The following RPTOR variants were observed in gnomAD, a reference collection of about 807,000 sequenced individuals.
RPTOR encodes regulatory associated protein of MTOR complex 1.
RPTOR carries 21 observed loss-of-function variants against 169.9 expected under a neutral mutation model. The ratio of observed to expected loss-of-function variants is 0.12; its 90% CI spans 0.09 to 0.18. The LOEUF is 0.18. RPTOR is among the 10% of genes least tolerant of loss of function. RPTOR has a pLI of 1.00. For synonymous variants in RPTOR, 732 were observed against 753.2 expected (o/e 0.97, Z 0.46); for missense variants, 1,133 against 1,855.9 (o/e 0.61, Z 7.16).
At chr17:80,893,430 CA>C (rs2068356775) in intron 19 of RPTOR, among the ~76,000 whole-genome samples, 3 of 123,520 alleles carry the variant, frequency 2.4e-5, no homozygotes, top group South Asian at 2.7e-4. Flanking sequence ...GTGTGTGTGC[CA>C]GGGTGTGTGT....
At chr17:80,670,694 C>T (rs1384568705) in intron 3 of RPTOR, among the ~76,000 whole-genome samples, 1 of 152,188 alleles carries the variant, frequency 6.6e-6, no homozygotes, top group Admixed American at 6.5e-5. Flanking sequence ...ACGCATTCAG[C>T]TCTGGTATAC....
At chr17:80,940,256 G>T (rs1011504708) in intron 24 of RPTOR, among the ~76,000 whole-genome samples, 5 of 152,078 alleles carry the variant, frequency 3.3e-5, no homozygotes, top group South Asian at 2.1e-4. Flanking sequence ...TTAAAAATAC[G>T]GCATAGCAGC....
intron 20 of RPTOR, among the ~76,000 whole-genome samples, chr17:80,896,387 GCTGACACC>G (rs2068401174): frequency 4.6e-5 from 6 of 129,204 alleles, no homozygotes; most frequent in Non-Finnish European, 6.5e-5. Context: ...ACGCGGCCTC[GCTGACACC>G]CCACGGCCGC....
chr17:80,795,967 C>T (rs1270482363), intron 7 of RPTOR, among the ~76,000 whole-genome samples: 4 of 152,214 alleles, frequency 2.6e-5, no homozygotes, highest in South Asian at 2.1e-4. Flanking sequence ...GCGTCTCCCA[C>T]GCCTCTCCAT....
chr17:80,572,568 CA>C (rs994153611), intron 1 of RPTOR, among the ~76,000 whole-genome samples: 3 of 151,776 alleles, frequency 2.0e-5, no homozygotes, highest in Non-Finnish European at 4.4e-5. Context: ...AACAAACAAA[CA>C]AAAAAAGTAG....
chr17:80,607,827 C>T (rs1221617991), intron 1 of RPTOR, among the ~76,000 whole-genome samples: 1 of 151,922 alleles, frequency 6.6e-6, no homozygotes, highest in Non-Finnish European at 1.5e-5. Context: ...GTTAATTAAA[C>T]CCCGTACTGA....
At chr17:80,627,018 A>G (rs8079537) in intron 2 of RPTOR, among the ~76,000 whole-genome samples, 64,171 of 151,904 alleles carry the variant, frequency 0.42, 13,871 homozygotes, top group African/African-American at 0.49. Context: ...TTGTCATTCT[A>G]GGGACCTCAT....
At chr17:80,625,605 T>C in intron 1 of RPTOR, 86 bp from the exon 2 acceptor site, 1 of 1,067,464 alleles carries the variant, frequency 9.4e-7, no homozygotes, top group Non-Finnish European at 1.4e-6. Context: ...GGCTCAATGT[T>C]CTGGGGGACA....
chr17:80,920,452 A>G (rs1308744629), intron 21 of RPTOR, among the ~76,000 whole-genome samples: 1 of 152,218 alleles, frequency 6.6e-6, no homozygotes, highest in East Asian at 1.9e-4. Context: ...AGCCCCAGGT[A>G]CAAGCCATGT....
At chr17:80,627,088 C>T (rs551472973) in intron 2 of RPTOR, among the ~76,000 whole-genome samples, 2 of 152,284 alleles carry the variant, frequency 1.3e-5, no homozygotes, top group East Asian at 1.9e-4. Context: ...ATAATGCCCC[C>T]AAAGTTCATC....
At chr17:80,700,445 G>GTGA (rs2066076542) in intron 3 of RPTOR, among the ~76,000 whole-genome samples, 1 of 109,346 alleles carries the variant, frequency 9.1e-6, no homozygotes, top group African/African-American at 4.1e-5. Flanking sequence ...TATGATGGTG[G>GTGA]TGGTGGTGAT....
At chr17:80,592,867 C>T (rs923447628) in intron 1 of RPTOR, among the ~76,000 whole-genome samples, 5 of 152,140 alleles carry the variant, frequency 3.3e-5, no homozygotes, top group African/African-American at 9.7e-5. Context: ...GTTTCCCTGG[C>T]GCCTGGATCT....
Position 80,957,467 on chromosome 17 carries a change from C to A in RPTOR, c.3371-157C>A, listed in dbSNP as rs1402101806. 1.3e-5 allele frequency among the ~76,000 whole-genome samples: 2 copies of A among 152,226 alleles called. No individual in the cohort carries two copies. Among genetic ancestry groups the A allele is most frequent in the African/African-American group, 4.8e-5 (2 of 41,452 alleles). ...ACGTGGGGCACACCAGGGTCCCTAG[C>A]GGGAGCTCATATGAGGCATATGGAC... is the stretch of plus-strand genomic sequence containing the variant. On this transcript the variant is annotated intron_variant, in intron 28 of 33. Transcript: ENST00000306801. The surrounding 1 kb of genome is among the most constrained non-coding windows in gnomAD (Gnocchi z 4.6).
chr17:80,887,954 G>A (rs2068269145), intron 17 of RPTOR, among the ~76,000 whole-genome samples: 1 of 152,178 alleles, frequency 6.6e-6, no homozygotes. Context: ...GCCAGGCCAG[G>A]GGTGCGGGGC....
Position 80,922,426 on chromosome 17 carries a change from T to C in RPTOR, c.2521-298T>C, listed in dbSNP as rs564481311. On this transcript the variant is annotated intron_variant, in intron 21 of 33. Transcript: ENST00000306801. ...GTGGGCCGTCATCCATCTCAGAGGCTTCAGGCCCTGACCCCTCAGGAGCCT... is the reference window on the plus strand; with the variant it reads ...GTGGGCCGTCATCCATCTCAGAGGCCTCAGGCCCTGACCCCTCAGGAGCCT... Among the ~76,000 whole-genome samples, 3 of 152,234 alleles carry C rather than the reference T, an allele frequency of 2.0e-5. No individual in the cohort carries two copies. In the South Asian group the frequency reaches 6.2e-4, roughly 32 times the overall value.
At chr17:80,624,475 G>GA (rs1188924268) in intron 1 of RPTOR, among the ~76,000 whole-genome samples, 1 of 152,074 alleles carries the variant, frequency 6.6e-6, no homozygotes, top group East Asian at 1.9e-4. Flanking sequence ...ATTTGAGGGT[G>GA]AAAAATGACC....
At chr17:80,800,284 G>A (rs569861655) in intron 7 of RPTOR, among the ~76,000 whole-genome samples, 6 of 152,168 alleles carry the variant, frequency 3.9e-5, no homozygotes, top group Non-Finnish European at 7.3e-5. Flanking sequence ...GGGAGGTTTC[G>A]TTCCTCAGAA....
intron 3 of RPTOR, among the ~76,000 whole-genome samples, chr17:80,665,527 G>GTCCTT (rs1285787846): frequency 2.4e-5 from 1 of 41,328 alleles, no homozygotes; most frequent in Non-Finnish European, 5.9e-5. Context: ...TCCTTTCCAT[G>GTCCTT]TCCTTTCCTT....
chr17:80,564,728 C>T (rs1324818735), intron 1 of RPTOR, among the ~76,000 whole-genome samples: 3 of 148,244 alleles, frequency 2.0e-5, no homozygotes, highest in African/African-American at 7.5e-5. Flanking sequence ...CTTTTTTTTT[C>T]AGATCCTCTC....
Sources: allele counts gnomAD v4.1 joint callset (sites outside exome capture counted in the v4.1 genomes callset), GRCh38; gene constraint gnomAD v4.1.1; non-coding constraint Gnocchi (gnomAD v3.1); transcripts MANE v1.5; gene names NCBI Gene and HGNC (gene_info 2026-07-23, HGNC 2026-07-21).